Variants in IL1RAPL1 observed in about 807,000 individuals in gnomAD.
The protein encoded by IL1RAPL1 is interleukin-1 receptor accessory protein-like 1.
In IL1RAPL1, 3 loss-of-function variants were observed where a neutral mutation model predicts 48.4. The observed-to-expected ratio is 0.06, with a 90% CI of 0.03 to 0.16. IL1RAPL1 has a LOEUF of 0.16. Among genes scored for constraint, IL1RAPL1 ranks in the 10% least tolerant of loss-of-function variants. IL1RAPL1 has a pLI of 1.00. For missense variants in IL1RAPL1, 349 were observed against 530.6 expected (o/e 0.66, Z 3.36); for synonymous variants, 185 against 187.7 (o/e 0.99, Z 0.12).
intron 2 of IL1RAPL1, among the ~76,000 whole-genome samples, chrX:29,101,177 A>G (rs781653154): frequency 8.9e-6 from 1 of 112,172 alleles, no homozygotes; most frequent in South Asian, 3.7e-4. Flanking sequence ...AGACATTACA[A>G]CCGATACCGC....
chrX:29,281,864 A>C (rs921386166), intron 2 of IL1RAPL1, among the ~76,000 whole-genome samples: 6 of 112,029 alleles, frequency 5.4e-5, no homozygotes, highest in African/African-American at 1.9e-4. Flanking sequence ...AACAAAAGAT[A>C]TTTCTTTCTC....
At chrX:29,939,712 T>C (rs1185212942) in intron 8 of IL1RAPL1, among the ~76,000 whole-genome samples, 1 of 112,058 alleles carries the variant, frequency 8.9e-6, no homozygotes, top group Non-Finnish European at 1.9e-5. Context: ...TGCATACAGT[T>C]CAATCGTTTT....
chrX:29,491,144 T>C (rs1171464091), intron 5 of IL1RAPL1, among the ~76,000 whole-genome samples: 1 of 111,587 alleles, frequency 9.0e-6, no homozygotes, highest in Non-Finnish European at 1.9e-5. Flanking sequence ...TATACATATC[T>C]CCTTATCTGA....
At chrX:28,958,215 G>A (rs1924668966) in intron 2 of IL1RAPL1, among the ~76,000 whole-genome samples, 1 of 110,771 alleles carries the variant, frequency 9.0e-6, no homozygotes, top group African/African-American at 3.3e-5. Flanking sequence ...GATCTCTTGA[G>A]CTTGTTCCTC....
intron 6 of IL1RAPL1, among the ~76,000 whole-genome samples, chrX:29,826,883 G>A (rs1930750276): frequency 8.9e-6 from 1 of 112,038 alleles, no homozygotes; most frequent in African/African-American, 3.2e-5. Flanking sequence ...TAGGAGTGAA[G>A]TTGCTGAGTC....
At chrX:28,720,489 G>T (rs765900399) in intron 1 of IL1RAPL1, among the ~76,000 whole-genome samples, 1 of 111,769 alleles carries the variant, frequency 8.9e-6, no homozygotes, top group South Asian at 3.7e-4. Context: ...TCTTCCCCTG[G>T]TTCATGGCAT....
intron 2 of IL1RAPL1, among the ~76,000 whole-genome samples, chrX:29,271,316 G>A (rs1457911623): frequency 6.3e-5 from 7 of 111,813 alleles, no homozygotes; most frequent in African/African-American, 1.6e-4. Context: ...ATAGTGCTGC[G>A]ATGAACATAT....
intron 3 of IL1RAPL1, among the ~76,000 whole-genome samples, chrX:29,365,319 G>A: frequency 8.9e-6 from 1 of 112,182 alleles, no homozygotes; most frequent in South Asian, 3.7e-4. Flanking sequence ...GAGACAGGGA[G>A]GAGAGATAGG....
intron 2 of IL1RAPL1, among the ~76,000 whole-genome samples, chrX:29,192,862 AATG>A (rs1289974732): frequency 9.0e-6 from 1 of 111,448 alleles, no homozygotes; most frequent in African/African-American, 3.2e-5. Context: ...CATGAGGAAA[AATG>A]ATTAGGAAGT....
chrX:28,988,895 A>G (rs1457173606), intron 2 of IL1RAPL1, among the ~76,000 whole-genome samples: 1 of 111,577 alleles, frequency 9.0e-6, no homozygotes, highest in African/African-American at 3.3e-5. Context: ...CTGAATCTGT[A>G]TATATAATTC....
At position 29,073,490 on chromosome X, in the gene IL1RAPL1, T is replaced by G. The variant is rs1602043710; in HGVS notation, c.83-209448T>G. On this transcript the variant is annotated intron_variant, in intron 2 of 10. Coordinates refer to ENST00000378993, the MANE Select transcript of IL1RAPL1 (RefSeq NM_014271.4). The stretch of plus-strand genomic sequence containing the variant: ...TGTCTCATCATTTATCTATTATTCT[T>G]TTTCAATCATATGCCTGCTGAGTCC... Among the ~76,000 whole-genome samples the G allele has an allele frequency of 2.7e-5, 3 of 112,017 alleles. No homozygotes were observed. The Middle Eastern group carries it at 0.014, about 514-fold the overall frequency.
At chrX:29,157,078 TAGAC>T (rs1399523014) in intron 2 of IL1RAPL1, among the ~76,000 whole-genome samples, 1 of 111,533 alleles carries the variant, frequency 9.0e-6, no homozygotes, top group Non-Finnish European at 1.9e-5. Context: ...GCTAGAATGT[TAGAC>T]AGAGCCCCTT....
chrX:29,389,355 CAAA>C (rs55950108), intron 3 of IL1RAPL1, among the ~76,000 whole-genome samples: 3 of 52,883 alleles, frequency 5.7e-5, no homozygotes, highest in Non-Finnish European at 6.7e-5. Flanking sequence ...GACTCCATCT[CAAA>C]AAAAAAAAAA....
chrX:29,158,931 TCC>T (rs1176557881), intron 2 of IL1RAPL1, among the ~76,000 whole-genome samples: 2 of 55,677 alleles, frequency 3.6e-5, no homozygotes, highest in Non-Finnish European at 6.8e-5. Context: ...TCTCTCTCTC[TCC>T]CCCCCCCTCC....
chrX:29,633,518 T>A (rs751059162), intron 5 of IL1RAPL1, among the ~76,000 whole-genome samples: 13 of 109,218 alleles, frequency 1.2e-4, no homozygotes, highest in African/African-American at 4.3e-4. Context: ...TATGATAGAT[T>A]GAACTCAAAT....
At chrX:29,803,303 A>G (rs758437263) in intron 6 of IL1RAPL1, among the ~76,000 whole-genome samples, 5 of 33,798 alleles carry the variant, frequency 1.5e-4, no homozygotes, top group East Asian at 1.6e-3. Flanking sequence ...ATGTATACAT[A>G]TACACACATG....
At chrX:29,463,952 T>A (rs1335237693) in intron 5 of IL1RAPL1, among the ~76,000 whole-genome samples, 2 of 111,164 alleles carry the variant, frequency 1.8e-5, no homozygotes, top group African/African-American at 3.3e-5. Context: ...TGTGAGTGAG[T>A]CATCTTGGAT....
At chrX:29,891,686 G>A (rs986122926) in intron 6 of IL1RAPL1, among the ~76,000 whole-genome samples, 12 of 111,599 alleles carry the variant, frequency 1.1e-4, no homozygotes, top group Admixed American at 6.7e-4. Context: ...AACAGTTTGA[G>A]TTGGATGGCT....
chrX:29,550,284 C>T (rs955239259), intron 5 of IL1RAPL1, among the ~76,000 whole-genome samples: 13 of 110,826 alleles, frequency 1.2e-4, no homozygotes, highest in Non-Finnish European at 1.7e-4. Context: ...CTCCGCCTCC[C>T]GGGTTCACGC....
Sources: allele counts gnomAD v4.1 joint callset (sites outside exome capture counted in the v4.1 genomes callset), GRCh38; gene constraint gnomAD v4.1.1; transcripts MANE v1.5; gene names NCBI Gene and HGNC (gene_info 2026-07-23, HGNC 2026-07-21).